The following SEMA3C variants were observed in gnomAD, a reference collection of about 807,000 sequenced individuals.
SEMA3C encodes semaphorin-3C.
SEMA3C carries 47 observed loss-of-function variants against 89.4 expected under a neutral mutation model. The ratio of observed to expected loss-of-function variants is 0.53; its 90% CI spans 0.42 to 0.67. The LOEUF (loss-of-function observed/expected upper bound fraction) is 0.67. Ranked by LOEUF, SEMA3C falls within the 30% of genes least tolerant of loss-of-function variation. The pLI is 0.00. For missense variants in SEMA3C, 839 were observed against 929.1 expected (o/e 0.90, Z 1.26); for synonymous variants, 310 against 320.2 (o/e 0.97, Z 0.34).
At chr7:80,793,400 A>G in intron 11 of SEMA3C, 1 of 399,060 alleles carries the variant, frequency 2.5e-6, no homozygotes, top group Non-Finnish European at 4.8e-6. Context: ...ATACGTATCC[A>G]TTACTTGAGC....
chr7:80,882,466 G>A (rs561868908), intron 2 of SEMA3C, among the ~76,000 whole-genome samples: 7 of 71,762 alleles, frequency 9.8e-5, no homozygotes, highest in East Asian at 3.5e-4. Flanking sequence ...ATTATGCCTC[G>A]TATTATTTAT....
intron 12 of SEMA3C, among the ~76,000 whole-genome samples, chr7:80,776,497 G>A (rs893356135): frequency 5.3e-5 from 8 of 152,114 alleles, no homozygotes; most frequent in Non-Finnish European, 1.2e-4. Flanking sequence ...AAGAGCCTAC[G>A]TGAACCTTTC....
At chr7:80,754,957 G>GTTTTTTTTTTTTTTTTTTTT (rs1368382376) in intron 15 of SEMA3C, among the ~76,000 whole-genome samples, 12 of 108,354 alleles carry the variant, frequency 1.1e-4, no homozygotes, top group South Asian at 3.3e-4. Context: ...GTTTTTTTTT[G>GTTTTTTTTTTTTTTTTTTTT]TTTTTTTTTT....
chr7:80,774,777 G>A (rs1788509165), intron 12 of SEMA3C, among the ~76,000 whole-genome samples: 1 of 152,008 alleles, frequency 6.6e-6, no homozygotes, highest in African/African-American at 2.4e-5. Context: ...AAGAAGAATA[G>A]AGAGATTGGA....
chr7:80,888,009 A>G (rs182471904), intron 2 of SEMA3C, among the ~76,000 whole-genome samples: 1 of 152,328 alleles, frequency 6.6e-6, no homozygotes, highest in Admixed American at 6.5e-5. Flanking sequence ...TTAAAGATTT[A>G]GTGATTTTTA....
chr7:80,862,061 C>T (rs950727854), intron 2 of SEMA3C, among the ~76,000 whole-genome samples: 1 of 152,150 alleles, frequency 6.6e-6, no homozygotes, highest in Non-Finnish European at 1.5e-5. Context: ...CTTACCACTC[C>T]TCTTCAACAT....
Position 80,744,701 on chromosome 7 carries a change from C to A in SEMA3C, c.*193G>T. ...ATATATTTATATGCACCATGAGGAC[C>A]ATGACATGTCTAGTGCTAGTCACTA... On this transcript the variant is annotated 3_prime_UTR_variant, in exon 18 of 18. Transcript: ENST00000265361. 1 of 616,980 alleles carries A rather than the reference C, an allele frequency of 1.6e-6. No individual in the cohort carries two copies. Among genetic ancestry groups the A allele is most frequent in the Non-Finnish European group, 2.9e-6 (1 of 349,756 alleles). 38.2% of individuals were successfully genotyped at this position (616,980 alleles called of 1,614,324 possible). A position where few individuals can be genotyped will look rare whatever the true frequency, so the allele number is the denominator to read the frequency against.
intron 2 of SEMA3C, among the ~76,000 whole-genome samples, chr7:80,864,888 A>G (rs1241532543): frequency 6.6e-6 from 1 of 152,194 alleles, no homozygotes; most frequent in Non-Finnish European, 1.5e-5. Context: ...CTTCTCCTGC[A>G]GAAGGTACCT....
Position 80,874,621 on chromosome 7 carries a change from C to A in SEMA3C, c.103+42058G>T, listed in dbSNP as rs372479018. ...ACCTGGAATTACAGGTGTCCACCACCACACCTGGTTAATTTTTTGTGTTTT... is the reference window on the plus strand; with the variant it reads ...ACCTGGAATTACAGGTGTCCACCACAACACCTGGTTAATTTTTTGTGTTTT... On this transcript the variant is annotated intron_variant, in intron 2 of 17. Coordinates refer to ENST00000265361, the MANE Select transcript of SEMA3C (RefSeq NM_006379.5). 3.9e-5 allele frequency among the ~76,000 whole-genome samples: 6 copies of A among 151,930 alleles called. No individual in the cohort carries two copies. In the East Asian group the frequency reaches 5.9e-4, roughly 15 times the overall value.
At position 80,751,283 on chromosome 7, in the gene SEMA3C, C is replaced by A. The variant is rs1384615433; in HGVS notation, c.1697G>T (p.Gly566Val). 2 of 1,613,798 alleles carry A rather than the reference C, an allele frequency of 1.2e-6. No individual in the cohort carries two copies. The highest frequency in any genetic ancestry group is 1.1e-5 in the South Asian group (1 of 91,086). The change falls in exon 16 of 18, where the codon GGA (glycine) becomes GTA (valine). Residue 566 changes from glycine to valine, a missense_variant. Transcript: ENST00000265361. ...ACTTTTAATACCTTTTAGATTAAAT[C>A]CTCTGCATTGAGTCAGTGGGTTTCC... ...RHGNPLTQCRGFNLKAYRNAA... is the reference protein window; with the variant it reads ...RHGNPLTQCRVFNLKAYRNAA...
At chr7:80,869,166 T>C (rs1270886970) in intron 2 of SEMA3C, among the ~76,000 whole-genome samples, 1 of 152,164 alleles carries the variant, frequency 6.6e-6, no homozygotes, top group East Asian at 1.9e-4. Flanking sequence ...ATGAATGAAC[T>C]AGAATACCTC....
chr7:80,805,641 CT>C lies in SEMA3C; in HGVS notation c.655del (p.Ser219ValfsTer6). The C allele has an allele frequency of 6.3e-7, 1 of 1,598,146 alleles. No homozygotes were observed. The highest frequency in any genetic ancestry group is 8.5e-7 in the Non-Finnish European group (1 of 1,173,322). On this transcript the variant is annotated frameshift_variant, in exon 7 of 18. Transcript: ENST00000265361. LOFTEE classifies it high-confidence loss of function. The stretch of plus-strand genomic sequence containing the variant: ...AAATGCATCAAATGCTTTCTTACCA[CT>C]TAGCCATTTGGAATTATGTTGATCA... ...RTDQHNSKWLSEPMFVDAHVI... is the reference protein window; with the variant it reads ...RTDQHNSKWLXEPMFVDAHVI...
chr7:80,916,232 A>G (rs1792270456), intron 2 of SEMA3C, among the ~76,000 whole-genome samples: 1 of 152,232 alleles, frequency 6.6e-6, no homozygotes, highest in African/African-American at 2.4e-5. Flanking sequence ...TTAGAACAAC[A>G]CACGGAGTAA....
chr7:80,888,808 T>C (rs989366914), intron 2 of SEMA3C, among the ~76,000 whole-genome samples: 2 of 152,156 alleles, frequency 1.3e-5, no homozygotes, highest in Non-Finnish European at 2.9e-5. Context: ...GTATATTTTA[T>C]CCCATAATTT....
chr7:80,795,381 A>AT (rs745618512), intron 11 of SEMA3C, among the ~76,000 whole-genome samples: 9 of 152,012 alleles, frequency 5.9e-5, no homozygotes, highest in Non-Finnish European at 1.0e-4. Context: ...TCATCTGACA[A>AT]TTTTTTGATT....
At chr7:80,814,073 C>CTTTTTTTTTTTTTTTTTT (rs935523129) in intron 5 of SEMA3C, among the ~76,000 whole-genome samples, 1 of 143,816 alleles carries the variant, frequency 7.0e-6, no homozygotes, top group Non-Finnish European at 1.5e-5. Context: ...TTCTCTGTTC[C>CTTTTTTTTTTTTTTTTTT]TTTTTTTTTT....
At chr7:80,875,866 G>GA (rs550543836) in intron 2 of SEMA3C, among the ~76,000 whole-genome samples, 19 of 149,612 alleles carry the variant, frequency 1.3e-4, no homozygotes, top group Admixed American at 8.7e-4. Flanking sequence ...AATAAGAAAA[G>GA]AAAAAAAAAT....
upstream of SEMA3C, among the ~76,000 whole-genome samples, chr7:80,919,701 G>A (rs1334305989): frequency 6.6e-6 from 1 of 151,916 alleles, no homozygotes; most frequent in Non-Finnish European, 1.5e-5. Flanking sequence ...CGATTCTCCT[G>A]CCTCAGCCTC....
chr7:80,899,583 T>A (rs1256566371), intron 2 of SEMA3C, among the ~76,000 whole-genome samples: 3 of 152,150 alleles, frequency 2.0e-5, no homozygotes. Context: ...GCTTTAAATA[T>A]AAATTAATTT....
Sources: gnomAD v4.1 joint callset for allele counts (sites outside exome capture counted in the v4.1 genomes callset) on GRCh38, gnomAD v4.1.1 for gene constraint, MANE v1.5 for transcripts, NCBI Gene and HGNC (gene_info 2026-07-23, HGNC 2026-07-21) for gene names.